USP10: variants seen among roughly 807,000 people sequenced by gnomAD.
The protein encoded by USP10 is ubiquitin carboxyl-terminal hydrolase 10.
USP10 carries 22 observed loss-of-function variants against 84.5 expected under a neutral mutation model. That is an observed-to-expected ratio of 0.26 (90% CI 0.19 to 0.37). The LOEUF (loss-of-function observed/expected upper bound fraction) is 0.37. Among genes scored for constraint, USP10 ranks in the 10% least tolerant of loss-of-function variants. The probability of loss-of-function intolerance (pLI) is 1.00; values close to 1 mark genes in which losing one functional copy is unlikely to be tolerated. For missense variants in USP10, 1,019 were observed against 998.9 expected (o/e 1.02, Z -0.27); for synonymous variants, 454 against 387.6 (o/e 1.17, Z -2.01).
Position 84,740,491 on chromosome 16 carries a change from C to A in USP10, c.151+122C>A, listed in dbSNP as rs1292014271. ...ATTTCTTTGTAGCTTGAAGTTTTTG[C>A]TGTAAACTGTAATGTATTTAATTGC... is the stretch of plus-strand genomic sequence containing the variant. On this transcript the variant is annotated intron_variant, in intron 3 of 13. Transcript: ENST00000219473. 4 of 760,712 alleles carry A rather than the reference C, an allele frequency of 5.3e-6. No individual in the cohort carries two copies. In the African/African-American group the frequency reaches 7.0e-5, roughly 13 times the overall value. 47.1% of individuals were successfully genotyped at this position (760,712 alleles called of 1,614,324 possible). A position where few individuals can be genotyped will look rare whatever the true frequency, so the allele number is the denominator to read the frequency against.
chr16:84,748,700 A>G (rs1273258543), intron 4 of USP10, among the ~76,000 whole-genome samples: 1 of 152,234 alleles, frequency 6.6e-6, no homozygotes, highest in East Asian at 1.9e-4. Flanking sequence ...AACCAAGAAA[A>G]GCTTCATTTA....
chr16:84,761,976 GA>G (rs554656853), intron 8 of USP10, among the ~76,000 whole-genome samples: 1 of 152,266 alleles, frequency 6.6e-6, no homozygotes, highest in South Asian at 2.1e-4. Flanking sequence ...ACTATCTGGA[GA>G]GGGCAAGTAA....
At chr16:84,704,613 G>T in intron 1 of USP10, 1 of 1,193,680 alleles carries the variant, frequency 8.4e-7, no homozygotes. Flanking sequence ...AATAAAGGTA[G>T]CCCTTGGGGT....
intron 1 of USP10, among the ~76,000 whole-genome samples, chr16:84,703,184 G>A (rs1905108168): frequency 6.6e-6 from 1 of 152,130 alleles, no homozygotes; most frequent in Admixed American, 6.6e-5. Context: ...ACAAATAAAT[G>A]AACTTTAACA....
At chr16:84,772,400 G>GTC in intron 11 of USP10, 141 bp from the exon 12 acceptor site, 1 of 1,128,244 alleles carries the variant, frequency 8.9e-7, no homozygotes, top group East Asian at 2.4e-5. Flanking sequence ...AGCTTCTGTG[G>GTC]GGCAGGAAAA....
At chr16:84,763,836 G>C (rs568663740) in intron 9 of USP10, among the ~76,000 whole-genome samples, 2 of 148,568 alleles carry the variant, frequency 1.3e-5, no homozygotes, top group East Asian at 2.0e-4. Flanking sequence ...GTGCCTGTTG[G>C]GATTGGTTGC....
intron 3 of USP10, 29 bp downstream of exon 3, chr16:84,740,398 A>C: frequency 6.2e-7 from 1 of 1,601,388 alleles, no homozygotes; most frequent in Non-Finnish European, 8.5e-7. Flanking sequence ...TATTTCCCTG[A>C]AGGGAATTTG....
chr16:84,765,681 A>G (rs1033987595), intron 10 of USP10, among the ~76,000 whole-genome samples: 2 of 152,152 alleles, frequency 1.3e-5, no homozygotes, highest in Non-Finnish European at 2.9e-5. Flanking sequence ...CCATCCACAG[A>G]CAGTTGTTTC....
chr16:84,771,595 G>A (rs115846298), intron 11 of USP10, among the ~76,000 whole-genome samples: 1,818 of 152,336 alleles, frequency 0.012, 30 homozygotes, highest in African/African-American at 0.041. Flanking sequence ...TAGGCCTAGC[G>A]TGGTGGCTCA....
chr16:84,777,911 C>T (rs750270469), intron 13 of USP10, among the ~76,000 whole-genome samples: 18 of 152,220 alleles, frequency 1.2e-4, no homozygotes, highest in Admixed American at 5.9e-4. Flanking sequence ...TGCCGGACAG[C>T]CGCCTTCCCG....
chr16:84,759,964 T>C lies in USP10; in HGVS notation c.1450+18T>C, dbSNP rs1490091337. On this transcript the variant is annotated intron_variant, in intron 7 of 13. Transcript: ENST00000219473. ...CCGACAAGGTTAGTAAAAATGAGTT[T>C]TGTTGATGCTATTACATATTGGGAG... 2 of 1,613,216 alleles carry C rather than the reference T, an allele frequency of 1.2e-6. No homozygotes were observed. The highest frequency in any genetic ancestry group is 1.7e-6 in the Non-Finnish European group (2 of 1,179,150).
intron 1 of USP10, among the ~76,000 whole-genome samples, chr16:84,732,065 TG>T (rs1434745199): frequency 6.6e-6 from 1 of 152,240 alleles, no homozygotes; most frequent in Non-Finnish European, 1.5e-5. Context: ...AAAACTTTTT[TG>T]TTCTTAATGT....
chr16:84,762,673 G>A (rs538848629), intron 8 of USP10, among the ~76,000 whole-genome samples: 13 of 149,496 alleles, frequency 8.7e-5, no homozygotes, highest in African/African-American at 2.0e-4. Flanking sequence ...CCTGGGTGAC[G>A]GAATGAGACT....
intron 1 of USP10, chr16:84,708,856 T>C (rs1171789999): frequency 6.6e-6 from 1 of 152,250 alleles, no homozygotes; most frequent in African/African-American, 2.4e-5. Flanking sequence ...TTTATATCTT[T>C]TGTGATTGTT....
At chr16:84,766,607 G>C (rs1169117242) in intron 10 of USP10, among the ~76,000 whole-genome samples, 1 of 152,180 alleles carries the variant, frequency 6.6e-6, no homozygotes, top group African/African-American at 2.4e-5. Context: ...CCGGGTATCA[G>C]AATTTCAAGG....
At chr16:84,734,630 C>A (rs1909659686) in intron 2 of USP10, among the ~76,000 whole-genome samples, 1 of 152,144 alleles carries the variant, frequency 6.6e-6, no homozygotes, top group African/African-American at 2.4e-5. Flanking sequence ...AGTACACTTT[C>A]AACTTTAATG....
chr16:84,762,938 C>A (rs1165943596), intron 8 of USP10, 51 bp from the exon 9 acceptor site: 1 of 1,169,718 alleles, frequency 8.5e-7, no homozygotes, highest in African/African-American at 1.5e-5. Context: ...GTCCTGCAGG[C>A]CTTTGACAGT....
intron 1 of USP10, among the ~76,000 whole-genome samples, chr16:84,724,586 TTGCTATAGCCC>T (rs1908215851): frequency 6.6e-6 from 1 of 152,168 alleles, no homozygotes; most frequent in South Asian, 2.1e-4. Flanking sequence ...AAGCAAAATT[TTGCTATAGCCC>T]TATTAGTGAG....
At chr16:84,760,027 C>G in intron 7 of USP10, 81 bp downstream of exon 7, 3 of 1,561,840 alleles carry the variant, frequency 1.9e-6, no homozygotes, top group Non-Finnish European at 2.6e-6. Flanking sequence ...TAAATTCAGT[C>G]TTGTTGGGAA....
Sources: allele counts gnomAD v4.1 joint callset (sites outside exome capture counted in the v4.1 genomes callset), GRCh38; gene constraint gnomAD v4.1.1; transcripts MANE v1.5; gene names NCBI Gene and HGNC (gene_info 2026-07-23, HGNC 2026-07-21).